The following SPEN variants were observed in gnomAD, a reference collection of about 807,000 sequenced individuals.
SPEN encodes the protein spen family transcriptional repressor, also known as msx2-interacting protein.
SPEN carries 18 observed loss-of-function variants against 269.9 expected under a neutral mutation model. The ratio of observed to expected loss-of-function variants is 0.07; its 90% CI spans 0.05 to 0.10. The LOEUF (loss-of-function observed/expected upper bound fraction) is 0.10. Among genes scored for constraint, SPEN ranks in the 10% least tolerant of loss-of-function variants. The probability of loss-of-function intolerance (pLI) is 1.00; values close to 1 mark genes in which losing one functional copy is unlikely to be tolerated. For synonymous variants in SPEN, 1,726 were observed against 1,765.7 expected (o/e 0.98, Z 0.56); for missense variants, 3,822 against 4,631.2 (o/e 0.83, Z 5.07).
At chr1:15,869,956 C>T (rs773638058) in intron 1 of SPEN, among the ~76,000 whole-genome samples, 1 of 151,930 alleles carries the variant, frequency 6.6e-6, no homozygotes, top group African/African-American at 2.4e-5. Flanking sequence ...AACCTCACTG[C>T]CTTCTGGGTT....
intron 4 of SPEN, among the ~76,000 whole-genome samples, chr1:15,909,714 C>G (rs181680583): frequency 2.6e-5 from 4 of 152,256 alleles, no homozygotes; most frequent in Admixed American, 2.6e-4. Flanking sequence ...ACTGTTACTC[C>G]TACATTGGTC....
chr1:15,931,969 C>G lies in SPEN; in HGVS notation c.5729C>G (p.Thr1910Ser). Reference sequence around the variant, plus strand: ...CGGAATGTAAGGAGCGTCTATGCAACCATGGGTGACCATGAAAACCGCTCT... The same window carrying G: ...CGGAATGTAAGGAGCGTCTATGCAAGCATGGGTGACCATGAAAACCGCTCT... The part of the protein sequence containing the change: ...RRRNVRSVYA[T>S]MGDHENRSPV... Residue 1910 changes from threonine to serine, a missense_variant, in exon 11 of 15, where the codon ACC becomes AGC. Physicochemically the swap from Thr to Ser is moderately conservative, Grantham distance 58. Transcript: ENST00000375759. This position sits in a 1 kb window ranked among gnomAD's most constrained non-coding sequence, Gnocchi z 4.8. 6.2e-7 allele frequency: 1 copy of G among 1,614,240 alleles called. No homozygotes were observed. Among genetic ancestry groups the G allele is most frequent in the Non-Finnish European group, 8.5e-7 (1 of 1,180,040 alleles).
Position 15,937,789 on chromosome 1 carries a change from C to T in SPEN, c.10510-23C>T. 1 of 1,613,288 alleles carries T rather than the reference C, an allele frequency of 6.2e-7. No homozygotes were observed. Among genetic ancestry groups the T allele is most frequent in the Non-Finnish European group, 8.5e-7 (1 of 1,179,670 alleles). Reference sequence around the variant, plus strand: ...TCAGCGAGGGGCCATGAGCTCACTTCCTGTTTGTTTCCCTGTGAGCAGAAG... The same window carrying T: ...TCAGCGAGGGGCCATGAGCTCACTTTCTGTTTGTTTCCCTGTGAGCAGAAG... On this transcript the variant is annotated intron_variant, in intron 12 of 14. Coordinates refer to ENST00000375759, the MANE Select transcript of SPEN (RefSeq NM_015001.3). This position sits in a 1 kb window ranked among gnomAD's most constrained non-coding sequence, Gnocchi z 5.7.
rs534671910 is a variant in SPEN at position 15,939,580 on chromosome 1, G to A, written c.*153G>A. 30 of 915,714 alleles carry A rather than the reference G, an allele frequency of 3.3e-5. No individual in the cohort carries two copies. Among genetic ancestry groups the A allele is most frequent in the South Asian group, 1.2e-4 (6 of 48,686 alleles). 56.7% of individuals were successfully genotyped at this position (915,714 alleles called of 1,614,324 possible). On this transcript the variant is annotated 3_prime_UTR_variant, in exon 15 of 15. Transcript: ENST00000375759. This position sits in a 1 kb window ranked among gnomAD's most constrained non-coding sequence, Gnocchi z 4.1. The stretch of plus-strand genomic sequence containing the variant: ...TGCTGTCCTGCCGCCCGGCTCAGTC[G>A]GCCAGACTTCCTCTAGGAGTGGTGC...
rs1440987961 is a variant in SPEN at position 15,931,436 on chromosome 1, T to C, written c.5196T>C (p.Asp1732=). The C allele has an allele frequency of 4.3e-6, 7 of 1,614,058 alleles. No individual in the cohort carries two copies. The highest frequency in any genetic ancestry group is 1.6e-4 in the Middle Eastern group (1 of 6,084). Residue 1732 remains aspartate, a synonymous_variant, in exon 11 of 15, where the codon GAT becomes GAC. Transcript: ENST00000375759. The surrounding 1 kb of genome is among the most constrained non-coding windows in gnomAD (Gnocchi z 4.8). The part of the protein sequence containing the change: ...GSSGDQPPYL[D]AKPPTPGASF... ...CAGGTGACCAGCCGCCTTATCTGGA[T>C]GCCAAGCCTCCAACTCCCGGGGCCT...
In SPEN at chr1:15,933,133, C is replaced by A; in HGVS notation, c.6893C>A (p.Thr2298Asn). The part of the protein sequence containing the change: ...APDPSAGPTD[T>N]KEARGNSSET... ...GACCCCTCAGCCGGCCCAACAGATACCAAGGAAGCCAGAGGAAATAGCAGT... is the reference window on the plus strand; with the variant it reads ...GACCCCTCAGCCGGCCCAACAGATAACAAGGAAGCCAGAGGAAATAGCAGT... Residue 2298 changes from threonine to asparagine, a missense_variant, in exon 11 of 15, where the codon ACC becomes AAC. By Grantham distance (65) the Thr-to-Asn change is moderately conservative (BLOSUM62 0). Around this residue, in one of 16 missense-constraint regions of SPEN, gnomAD observed 727 missense variants for 737.9 expected, o/e 0.99. Transcript: ENST00000375759. This position sits in a 1 kb window ranked among gnomAD's most constrained non-coding sequence, Gnocchi z 5.7. 6.2e-7 allele frequency: 1 copy of A among 1,614,080 alleles called. No individual in the cohort carries two copies.
intron 3 of SPEN, among the ~76,000 whole-genome samples, chr1:15,896,187 CTTTTTTTTTT>C (rs34846762): frequency 2.6e-4 from 18 of 69,220 alleles, no homozygotes; most frequent in African/African-American, 6.8e-4. Context: ...TTTACCATCA[CTTTTTTTTTT>C]TTTTTTTTTT....
rs116781903 is a variant in SPEN, at chr1:15,930,992, T to C, written c.4752T>C (p.His1584=). The C allele has an allele frequency of 4.1e-5, 66 of 1,614,082 alleles. No homozygotes were observed. The African/African-American group carries it at 6.3e-4, about 15-fold the overall frequency. The part of the protein sequence containing the change: ...DSIQEPVVLF[H]SRFMELTRMQ... ...TTCAAGAACCAGTAGTTCTGTTCCA[T>C]AGCAGATTTATGGAGCTCACACGGA... is the stretch of plus-strand genomic sequence containing the variant. The change falls in exon 11 of 15, where the codon CAT becomes CAC. Residue 1584 remains histidine, a synonymous_variant. Transcript: ENST00000375759. This position sits in a 1 kb window ranked among gnomAD's most constrained non-coding sequence, Gnocchi z 5.3.
intron 3 of SPEN, among the ~76,000 whole-genome samples, chr1:15,894,841 A>C (rs2070825070): frequency 6.6e-6 from 1 of 151,760 alleles, no homozygotes; most frequent in Non-Finnish European, 1.5e-5. Context: ...CCCATATTGT[A>C]TTTTTAATGC....
intron 1 of SPEN, among the ~76,000 whole-genome samples, chr1:15,863,270 G>GCA (rs1032254251): frequency 1.3e-5 from 2 of 151,768 alleles, no homozygotes; most frequent in African/African-American, 4.8e-5. Context: ...AACTGCACAT[G>GCA]CACACACACA....
intron 3 of SPEN, among the ~76,000 whole-genome samples, chr1:15,904,760 T>C (rs2070939141): frequency 6.6e-6 from 1 of 151,838 alleles, no homozygotes; most frequent in African/African-American, 2.4e-5. Flanking sequence ...TAATAATGTT[T>C]ATAATAATGG....
Position 15,902,303 on chromosome 1 carries a change from A to C in SPEN, c.882-7018A>C, listed in dbSNP as rs368350669. Among the ~76,000 whole-genome samples the C allele has an allele frequency of 1.2e-4, 19 of 152,332 alleles. No individual in the cohort carries two copies. In the East Asian group the frequency reaches 1.7e-3, roughly 14 times the overall value. On this transcript the variant is annotated intron_variant, in intron 3 of 14. Transcript: ENST00000375759. ...CCAATTCTGTATTCAAACTGTGATT[A>C]TAAGGTTTTTTGGGTGAAGTATATG...
chr1:15,871,904 G>A (rs1486250555), intron 1 of SPEN, among the ~76,000 whole-genome samples: 1 of 151,942 alleles, frequency 6.6e-6, no homozygotes, highest in African/African-American at 2.4e-5. Context: ...TTCAGTAGTC[G>A]TTTTTAGACT....
At chr1:15,878,839 GTC>G (rs1459510504) in intron 3 of SPEN, among the ~76,000 whole-genome samples, 2 of 151,568 alleles carry the variant, frequency 1.3e-5, no homozygotes, top group African/African-American at 4.8e-5. Flanking sequence ...GTGAAACCCT[GTC>G]TCTACTAAAA....
At chr1:15,924,294 T>C (rs2071146926) in intron 10 of SPEN, among the ~76,000 whole-genome samples, 1 of 152,208 alleles carries the variant, frequency 6.6e-6, no homozygotes. Flanking sequence ...AAGGAATTCT[T>C]ATCTATATGT....
chr1:15,901,556 G>A (rs1162453461), intron 3 of SPEN, among the ~76,000 whole-genome samples: 1 of 151,036 alleles, frequency 6.6e-6, no homozygotes, highest in African/African-American at 2.4e-5. Context: ...AGGCTGAGTT[G>A]GGGGGATCAT....
chr1:15,879,083 A>C (rs2070662116), intron 3 of SPEN, among the ~76,000 whole-genome samples: 1 of 150,864 alleles, frequency 6.6e-6, no homozygotes, highest in Non-Finnish European at 1.5e-5. Flanking sequence ...TCACACCTGT[A>C]ATTCCAGCAC....
intron 3 of SPEN, among the ~76,000 whole-genome samples, chr1:15,881,888 T>C (rs1203710509): frequency 6.6e-6 from 1 of 152,210 alleles, no homozygotes; most frequent in African/African-American, 2.4e-5. Flanking sequence ...CCTTTAAAGA[T>C]GTTTAAAGTT....
intron 3 of SPEN, among the ~76,000 whole-genome samples, chr1:15,891,518 A>G (rs951697798): frequency 6.6e-6 from 1 of 151,054 alleles, no homozygotes; most frequent in African/African-American, 2.4e-5. Context: ...CGCCCGGCTA[A>G]TTTTTGTATT....
Sources: allele counts gnomAD v4.1 joint callset (sites outside exome capture counted in the v4.1 genomes callset), GRCh38; gene constraint gnomAD v4.1.1; regional missense constraint gnomAD v4.1.1; non-coding constraint Gnocchi (gnomAD v3.1); transcripts MANE v1.5; gene names NCBI Gene and HGNC (gene_info 2026-07-23, HGNC 2026-07-21).